Variants in KCNB2 observed in about 807,000 individuals in gnomAD.
KCNB2 encodes the protein delayed rectifier potassium channel protein.
Under a neutral mutation model 61.5 loss-of-function variants are expected in KCNB2, and 15 were observed. That is an observed-to-expected ratio of 0.24 (90% CI 0.16 to 0.38). The LOEUF (loss-of-function observed/expected upper bound fraction) is 0.38, where lower values mean the gene tolerates loss of function less well. Among genes scored for constraint, KCNB2 ranks in the 10% least tolerant of loss-of-function variants. KCNB2 has a pLI of 1.00. For missense variants in KCNB2, 828 were observed against 1,125.2 expected (o/e 0.74, Z 3.78); for synonymous variants, 457 against 446.0 (o/e 1.02, Z -0.31).
chr8:72,627,224 T>G (rs1805804111), intron 2 of KCNB2, among the ~76,000 whole-genome samples: 1 of 152,194 alleles, frequency 6.6e-6, no homozygotes, highest in Non-Finnish European at 1.5e-5. Context: ...GAGAAGAGGA[T>G]GCAAAAACTT....
chr8:72,676,087 T>G (rs1806649002), intron 2 of KCNB2, among the ~76,000 whole-genome samples: 1 of 152,304 alleles, frequency 6.6e-6, no homozygotes, highest in East Asian at 1.9e-4. Context: ...TTGTTCATAT[T>G]ATATATCTCC....
intron 2 of KCNB2, among the ~76,000 whole-genome samples, chr8:72,700,920 G>A (rs572595585): frequency 1.1e-4 from 17 of 152,194 alleles, no homozygotes; most frequent in Middle Eastern, 3.4e-3. Context: ...ACAAAATCTC[G>A]TCCTTTGCAG....
At chr8:72,892,522 G>A (rs1172693398) in intron 2 of KCNB2, among the ~76,000 whole-genome samples, 1 of 152,154 alleles carries the variant, frequency 6.6e-6, no homozygotes, top group Non-Finnish European at 1.5e-5. Context: ...CATGCCACAT[G>A]TTTCATGGAA....
In KCNB2 at chr8:72,937,375, A is replaced by G. The variant is rs769903464; in HGVS notation, c.2020A>G (p.Ile674Val). ...CACGCTGGAGTATGCCCCAGTTGAC[A>G]TAACTGTGAACCTCGATGCCAGTGG... ...DGTLEYAPVD[I>V]TVNLDASGSQ... is the part of the protein sequence containing the mutation. The change falls in exon 3 of 3, where the codon ATA (isoleucine) becomes GTA (valine). Residue 674 changes from isoleucine to valine, a missense_variant. Physicochemically the swap from Ile to Val is conservative, Grantham distance 29 (BLOSUM62 3). This residue lies in a region of KCNB2 where 559 missense variants were observed against 588.4 expected (regional missense o/e 0.95). Transcript: ENST00000523207. The G allele has an allele frequency of 4.3e-5, 70 of 1,613,970 alleles. No individual in the cohort carries two copies. Among genetic ancestry groups the G allele is most frequent in the Non-Finnish European group, 5.6e-5 (66 of 1,180,028 alleles).
At chr8:72,729,699 C>CA (rs1226196652) in intron 2 of KCNB2, among the ~76,000 whole-genome samples, 2 of 152,132 alleles carry the variant, frequency 1.3e-5, no homozygotes, top group East Asian at 3.9e-4. Context: ...GCCTGACCAA[C>CA]ATGGAGAAAC....
intron 1 of KCNB2, among the ~76,000 whole-genome samples, chr8:72,541,426 C>G (rs911637376): frequency 1.1e-4 from 16 of 152,056 alleles, no homozygotes; most frequent in Admixed American, 3.3e-4. Context: ...CTTTTCTTAA[C>G]TTGTCTAAAG....
At chr8:72,591,136 T>C (rs1807092372) in intron 2 of KCNB2, among the ~76,000 whole-genome samples, 6 of 152,092 alleles carry the variant, frequency 3.9e-5, no homozygotes, top group Admixed American at 2.6e-4. Flanking sequence ...CCTTTGAAAA[T>C]CTCTTGTAAC....
chr8:72,627,425 TAG>T (rs1805807465), intron 2 of KCNB2, among the ~76,000 whole-genome samples: 2 of 152,342 alleles, frequency 1.3e-5, no homozygotes, highest in Admixed American at 1.3e-4. Context: ...CTAGAAATGA[TAG>T]AAAGTATATG....
chr8:72,664,138 A>G (rs187337978), intron 2 of KCNB2, among the ~76,000 whole-genome samples: 12 of 152,332 alleles, frequency 7.9e-5, no homozygotes, highest in African/African-American at 2.4e-4. Context: ...GTAAGATCCC[A>G]GGAGATCAGA....
chr8:72,716,551 A>T (rs1807445400), intron 2 of KCNB2, among the ~76,000 whole-genome samples: 1 of 152,234 alleles, frequency 6.6e-6, no homozygotes, highest in Admixed American at 6.5e-5. Context: ...AACAGAACCA[A>T]AGACAAAAAC....
intron 2 of KCNB2, among the ~76,000 whole-genome samples, chr8:72,710,638 C>T (rs530197867): frequency 6.6e-5 from 10 of 152,164 alleles, no homozygotes; most frequent in East Asian, 1.9e-4. Context: ...TACAGTATCC[C>T]GGACCCAATC....
chr8:72,790,597 G>A (rs1866739), intron 2 of KCNB2, among the ~76,000 whole-genome samples: 45,262 of 151,990 alleles, frequency 0.3, 7,139 homozygotes, highest in South Asian at 0.51. Context: ...CACTCGAGGG[G>A]AGGATTGTTC....
chr8:72,757,375 C>T (rs892807553), intron 2 of KCNB2, among the ~76,000 whole-genome samples: 6 of 152,122 alleles, frequency 3.9e-5, no homozygotes, highest in East Asian at 1.9e-4. Flanking sequence ...ACAGATTACT[C>T]TTCTGAAAAA....
chr8:72,645,268 A>G (rs1806111862), intron 2 of KCNB2, among the ~76,000 whole-genome samples: 1 of 145,774 alleles, frequency 6.9e-6, no homozygotes, highest in African/African-American at 2.5e-5. Flanking sequence ...TGGCCTAAGT[A>G]TATATACTAG....
intron 2 of KCNB2, among the ~76,000 whole-genome samples, chr8:72,870,921 G>A (rs1168200085): frequency 6.6e-6 from 1 of 152,192 alleles, no homozygotes; most frequent in African/African-American, 2.4e-5. Flanking sequence ...AGGTTGCAGT[G>A]AGCCAAGATC....
intron 1 of KCNB2, among the ~76,000 whole-genome samples, chr8:72,566,734 G>A (rs1298629387): frequency 6.6e-6 from 1 of 151,704 alleles, no homozygotes; most frequent in Non-Finnish European, 1.5e-5. Context: ...AAGAAAGAAA[G>A]GAAAAGAAGT....
intron 2 of KCNB2, among the ~76,000 whole-genome samples, chr8:72,645,113 A>G (rs979654427): frequency 2.0e-5 from 3 of 152,146 alleles, no homozygotes; most frequent in Admixed American, 6.6e-5. Context: ...TCCATTGCCA[A>G]TGAGCACTTG....
intron 2 of KCNB2, among the ~76,000 whole-genome samples, chr8:72,605,883 A>T (rs1805440108): frequency 6.6e-6 from 1 of 152,166 alleles, no homozygotes; most frequent in Non-Finnish European, 1.5e-5. Context: ...AGCTGCAAAT[A>T]TGTCACATCC....
intron 2 of KCNB2, among the ~76,000 whole-genome samples, chr8:72,905,937 G>A (rs546921899): frequency 6.6e-6 from 1 of 152,286 alleles, no homozygotes; most frequent in South Asian, 2.1e-4. Context: ...CAGGGTCACT[G>A]CCCATAGCAG....
Sources: allele counts gnomAD v4.1 joint callset (sites outside exome capture counted in the v4.1 genomes callset), GRCh38; gene constraint gnomAD v4.1.1; regional missense constraint gnomAD v4.1.1; transcripts MANE v1.5; gene names NCBI Gene and HGNC (gene_info 2026-07-23, HGNC 2026-07-21).